Variants in ELP2 observed in about 807,000 individuals in gnomAD.
ELP2 encodes the protein elongator acetyltransferase complex subunit 2, also known as elongator complex protein 2.
ELP2 carries 90 observed loss-of-function variants against 119.2 expected under a neutral mutation model. The ratio of observed to expected loss-of-function variants is 0.75; its 90% CI spans 0.64 to 0.90. The LOEUF is 0.90. Ranked by LOEUF, ELP2 falls within the 40% of genes least tolerant of loss-of-function variation. The probability of loss-of-function intolerance (pLI) is 0.00; values close to 1 mark genes in which losing one functional copy is unlikely to be tolerated. For synonymous variants in ELP2, 339 were observed against 331.0 expected, an observed-to-expected ratio of 1.02 and a Z score of -0.26; for missense variants, 921 against 967.8, an observed-to-expected ratio of 0.95 and a Z score of 0.64.
At chr18:36,149,789 A>G (rs2090339751) in intron 11 of ELP2, among the ~76,000 whole-genome samples, 1 of 152,098 alleles carries the variant, frequency 6.6e-6, no homozygotes, top group Non-Finnish European at 1.5e-5. Flanking sequence ...GTACACACTC[A>G]TGAAGGTGTG....
Position 36,170,273 on chromosome 18 carries a change from G to A in ELP2, c.2210+77G>A, listed in dbSNP as rs182727544. 2,267 of 1,546,102 alleles carry A rather than the reference G, an allele frequency of 1.5e-3. 6 individuals carry two copies. Among genetic ancestry groups the A allele is most frequent in the Middle Eastern group, 2.6e-3 (15 of 5,796 alleles). Reference sequence around the variant, plus strand: ...ATGTAGCCCTCATGTCATTTCATTTGTGAATTCTCCTAGCCTCTGAGTTAC... The same window carrying A: ...ATGTAGCCCTCATGTCATTTCATTTATGAATTCTCCTAGCCTCTGAGTTAC... On this transcript the variant is annotated intron_variant, in intron 20 of 21. Coordinates refer to ENST00000358232, the MANE Select transcript of ELP2 (RefSeq NM_018255.4).
chr18:36,144,875 G>A, intron 8 of ELP2, 64 bp from the exon 9 acceptor site: 1 of 1,364,360 alleles, frequency 7.3e-7, no homozygotes, highest in Non-Finnish European at 1.0e-6. Flanking sequence ...AACTGTCTTG[G>A]TTATGGAAAT....
intron 13 of ELP2, among the ~76,000 whole-genome samples, chr18:36,157,883 A>G (rs1045634443): frequency 6.6e-6 from 1 of 152,176 alleles, no homozygotes; most frequent in Admixed American, 6.5e-5. Flanking sequence ...TAGTTTCAGG[A>G]TCTCTTCAGT....
At chr18:36,164,177 T>C (rs2090824532) in intron 17 of ELP2, among the ~76,000 whole-genome samples, 1 of 152,050 alleles carries the variant, frequency 6.6e-6, no homozygotes, top group African/African-American at 2.4e-5. Context: ...CCCCTCCATG[T>C]CACAGTTTTG....
intron 11 of ELP2, among the ~76,000 whole-genome samples, chr18:36,150,986 T>TG (rs1412759227): frequency 1.3e-5 from 2 of 152,134 alleles, no homozygotes; most frequent in East Asian, 3.9e-4. Context: ...TGCCAAGGGT[T>TG]GAGCCAAAGG....
intron 13 of ELP2, among the ~76,000 whole-genome samples, chr18:36,158,189 T>C (rs1045981033): frequency 6.6e-6 from 1 of 152,230 alleles, no homozygotes; most frequent in African/African-American, 2.4e-5. Context: ...TTTCAGCTTC[T>C]GTGTTAAAGT....
rs895093378 is a variant in ELP2, at chr18:36,146,468, A to G, written c.1125+87A>G. The G allele has an allele frequency of 2.8e-5, 40 of 1,435,134 alleles. No homozygotes were observed. In the African/African-American group the frequency reaches 5.4e-4, roughly 19 times the overall value. The allele number at this position is 1,435,134 out of a possible 1,614,324, so 88.9% of individuals were successfully genotyped here. A position where few individuals can be genotyped will look rare whatever the true frequency, so the allele number is the denominator to read the frequency against. ...GTATTTTGCTTATAACACTCTACAG[A>G]AACATAGTAGAGGCACTTGAAGTTC... On this transcript the variant is annotated intron_variant, in intron 11 of 21. Coordinates refer to ENST00000358232, the MANE Select transcript of ELP2 (RefSeq NM_018255.4).
intron 11 of ELP2, among the ~76,000 whole-genome samples, chr18:36,151,742 G>GTTT (rs71166098): frequency 3.4e-4 from 37 of 109,832 alleles, no homozygotes; most frequent in African/African-American, 9.1e-4. Flanking sequence ...GTTCTGTTCT[G>GTTT]TTTTTTTTTT....
intron 11 of ELP2, among the ~76,000 whole-genome samples, chr18:36,150,800 T>C (rs1242867315): frequency 6.6e-6 from 1 of 152,216 alleles, no homozygotes; most frequent in Non-Finnish European, 1.5e-5. Flanking sequence ...TCAGACACAA[T>C]GTTCAGCCCC....
intron 11 of ELP2, among the ~76,000 whole-genome samples, chr18:36,148,442 C>T (rs995907463): frequency 2.6e-5 from 4 of 152,040 alleles, no homozygotes; most frequent in Non-Finnish European, 5.9e-5. Flanking sequence ...CTAATATACC[C>T]AATTTTGTAG....
intron 13 of ELP2, among the ~76,000 whole-genome samples, chr18:36,157,591 G>C (rs1421459350): frequency 6.6e-6 from 1 of 152,172 alleles, no homozygotes; most frequent in Non-Finnish European, 1.5e-5. Flanking sequence ...TTTTGGAAGA[G>C]AGTTATCTGG....
chr18:36,151,868 C>T (rs759105379), intron 11 of ELP2, among the ~76,000 whole-genome samples: 28 of 151,352 alleles, frequency 1.8e-4, no homozygotes, highest in Non-Finnish European at 2.7e-4. Context: ...CTGTCTCAGC[C>T]GCCTGAGTAG....
At chr18:36,149,477 TGTTTTGTTTTG>T (rs2090318989) in intron 11 of ELP2, among the ~76,000 whole-genome samples, 1 of 102,440 alleles carries the variant, frequency 9.8e-6, no homozygotes, top group African/African-American at 3.4e-5. Flanking sequence ...CAGGGTTTTT[TGTTTTGTTTTG>T]TTTTTTTTTT....
chr18:36,139,597 A>G (rs1295887311), intron 5 of ELP2: 29 of 1,534,024 alleles, frequency 1.9e-5, no homozygotes, highest in Admixed American at 5.9e-5. Flanking sequence ...CATTTCTTCC[A>G]TCTGCATTCA....
intron 12 of ELP2, 82 bp downstream of exon 12, chr18:36,155,081 C>A: frequency 8.5e-7 from 1 of 1,175,400 alleles, no homozygotes; most frequent in East Asian, 2.5e-5. Context: ...GGCACGATCT[C>A]AGCTCACTGC....
intron 11 of ELP2, among the ~76,000 whole-genome samples, chr18:36,153,139 G>C (rs1412523643): frequency 6.6e-6 from 1 of 152,222 alleles, no homozygotes; most frequent in Non-Finnish European, 1.5e-5. Flanking sequence ...AGATAACAGT[G>C]ACCAAGGGAT....
intron 6 of ELP2, 90 bp from the exon 7 acceptor site, chr18:36,142,191 C>A: frequency 1.0e-6 from 1 of 1,004,334 alleles, no homozygotes; most frequent in Non-Finnish European, 1.6e-6. Context: ...AAGAGCAACG[C>A]AGTAGGACTG....
At position 36,133,323 on chromosome 18, in the gene ELP2, A is replaced by G. The variant is rs1442586541; in HGVS notation, c.217+7A>G. 11 of 1,603,690 alleles carry G rather than the reference A, an allele frequency of 6.9e-6. No individual in the cohort carries two copies. The highest frequency in any genetic ancestry group is 9.4e-6 in the Non-Finnish European group (11 of 1,170,412). ...ATTTGTAAACAGGATGGCTGTAAGTATTAACCAGATTTTAAAGTTGATCTC... is the reference window on the plus strand; with the variant it reads ...ATTTGTAAACAGGATGGCTGTAAGTGTTAACCAGATTTTAAAGTTGATCTC... On this transcript the variant is annotated splice_region_variant and intron_variant, in intron 2 of 21. Coordinates refer to ENST00000358232, the MANE Select transcript of ELP2 (RefSeq NM_018255.4).
intron 11 of ELP2, among the ~76,000 whole-genome samples, chr18:36,149,510 A>C (rs1307807925): frequency 2.4e-5 from 2 of 84,778 alleles, no homozygotes; most frequent in African/African-American, 7.7e-5. Context: ...TTTGCTTAGA[A>C]ATCATCCCTG....
Sources: allele counts gnomAD v4.1 joint callset (sites outside exome capture counted in the v4.1 genomes callset), GRCh38; gene constraint gnomAD v4.1.1; transcripts MANE v1.5; gene names NCBI Gene and HGNC (gene_info 2026-07-23, HGNC 2026-07-21).